Variants in ARSB observed in about 807,000 individuals in gnomAD.
ARSB encodes the protein N-acetylgalactosamine-4-sulfatase.
ARSB carries 41 observed loss-of-function variants against 50.9 expected under a neutral mutation model. That is an observed-to-expected ratio of 0.81 (90% CI 0.63 to 1.04). ARSB has a LOEUF of 1.04. ARSB is among the 50% of genes least tolerant of loss of function. The probability of loss-of-function intolerance (pLI) is 0.00; values close to 1 mark genes in which losing one functional copy is unlikely to be tolerated. For synonymous variants in ARSB, 269 were observed against 284.8 expected (o/e 0.94, Z 0.56); for missense variants, 672 against 693.3 (o/e 0.97, Z 0.35).
chr5:78,960,745 A>C (rs1280763706), intron 3 of ARSB, among the ~76,000 whole-genome samples: 1 of 152,044 alleles, frequency 6.6e-6, no homozygotes, highest in African/African-American at 2.4e-5. Context: ...TTGTATTTTT[A>C]GTAGAGATGG....
At chr5:78,819,190 C>A (rs1026213718) in intron 6 of ARSB, among the ~76,000 whole-genome samples, 1 of 152,138 alleles carries the variant, frequency 6.6e-6, no homozygotes, top group African/African-American at 2.4e-5. Context: ...GAAGGGGCTG[C>A]TGGGAGGTGA....
In ARSB at chr5:78,907,396, G is replaced by C. The variant is rs140979266; in HGVS notation, c.899-21569C>G. Among the ~76,000 whole-genome samples, 1,270 of 152,280 alleles carry C rather than the reference G, an allele frequency of 8.3e-3. 16 individuals are homozygous for C. The highest frequency in any genetic ancestry group is 0.029 in the African/African-American group (1,222 of 41,534). ...AGTGTTTCCAGGACTTTGGTTCAGA[G>C]TGAGGACTGGAGGCCCAGCCACACT... is the stretch of plus-strand genomic sequence containing the variant. On this transcript the variant is annotated intron_variant, in intron 4 of 7. Coordinates refer to ENST00000264914, the MANE Select transcript of ARSB (RefSeq NM_000046.5).
intron 4 of ARSB, among the ~76,000 whole-genome samples, chr5:78,928,168 T>A (rs1355719595): frequency 2.0e-5 from 3 of 152,072 alleles, no homozygotes; most frequent in Admixed American, 6.6e-5. Flanking sequence ...AAGAGGGCTG[T>A]CTAACAGCCA....
chr5:78,792,950 G>A (rs1743030510), intron 6 of ARSB, among the ~76,000 whole-genome samples: 1 of 152,072 alleles, frequency 6.6e-6, no homozygotes, highest in Non-Finnish European at 1.5e-5. Flanking sequence ...CACATAACCT[G>A]TAGTGGTATG....
At chr5:78,815,727 G>A (rs1743960788) in intron 6 of ARSB, 1 of 1,125,692 alleles carries the variant, frequency 8.9e-7, no homozygotes, top group African/African-American at 1.6e-5. Flanking sequence ...TAAAGGGCTT[G>A]CATTTTATTT....
At chr5:78,836,555 T>C (rs1744963111) in intron 6 of ARSB, among the ~76,000 whole-genome samples, 2 of 152,188 alleles carry the variant, frequency 1.3e-5, no homozygotes, top group Admixed American at 1.3e-4. Context: ...GAGAAGTAAA[T>C]GTCCTTACAG....
chr5:78,780,561 C>A lies in ARSB; in HGVS notation c.1438G>T (p.Asp480Tyr). 2 of 1,614,044 alleles carry A rather than the reference C, an allele frequency of 1.2e-6. No individual in the cohort carries two copies. The highest frequency in any genetic ancestry group is 1.7e-6 in the Non-Finnish European group (2 of 1,180,010). ...GACAGGTCATGTCTTTCTTCAGGGT[C>A]CCGATCAATATCAAAGAGCCAGAGG... ...KTLWLFDIDR[D>Y]PEERHDLSRE... The change falls in exon 8 of 8, where the codon GAC (aspartate) becomes TAC (tyrosine). Residue 480 changes from aspartate (D) to tyrosine (Y), a missense_variant. Coordinates refer to ENST00000264914, the MANE Select transcript of ARSB (RefSeq NM_000046.5).
chr5:78,816,586 C>G (rs1346346038), intron 6 of ARSB, among the ~76,000 whole-genome samples: 1 of 152,214 alleles, frequency 6.6e-6, no homozygotes, highest in East Asian at 1.9e-4. Context: ...GGTTACTAAT[C>G]AGAGAGCATC....
At position 78,824,544 on chromosome 5, in the gene ARSB, G is replaced by A. The variant is rs539192940; in HGVS notation, c.1213+14812C>T. ...GTGATTCGTGTGCACATTCAGGTAT[G>A]AAAGGCACTGCTTTAAGTGTAGGGT... On this transcript the variant is annotated intron_variant, in intron 6 of 7. Coordinates refer to ENST00000264914, the MANE Select transcript of ARSB (RefSeq NM_000046.5). 3.3e-5 allele frequency among the ~76,000 whole-genome samples: 5 copies of A among 152,308 alleles called. No individual in the cohort carries two copies. The East Asian group carries it at 5.8e-4, about 18-fold the overall frequency.
intron 6 of ARSB, among the ~76,000 whole-genome samples, chr5:78,795,838 G>C (rs1257313214): frequency 6.6e-6 from 1 of 152,164 alleles, no homozygotes; most frequent in East Asian, 1.9e-4. Flanking sequence ...AGTTTACAAA[G>C]TCAATTTCTC....
intron 3 of ARSB, 94 bp downstream of exon 3, chr5:78,964,322 T>A (rs1031745576): frequency 1.6e-6 from 2 of 1,248,700 alleles, no homozygotes; most frequent in Non-Finnish European, 2.3e-6. Flanking sequence ...TTTATTAGAT[T>A]TTTCCCTAAA....
At chr5:78,945,864 C>T (rs1178440589) in intron 4 of ARSB, among the ~76,000 whole-genome samples, 1 of 152,184 alleles carries the variant, frequency 6.6e-6, no homozygotes, top group African/African-American at 2.4e-5. Context: ...CCAAGCCATT[C>T]CCAACCTTTC....
chr5:78,804,221 A>T (rs1743489589), intron 6 of ARSB, among the ~76,000 whole-genome samples: 1 of 152,182 alleles, frequency 6.6e-6, no homozygotes, highest in South Asian at 2.1e-4. Context: ...ATGAAAAAAA[A>T]AAAAAGATCC....
intron 1 of ARSB, among the ~76,000 whole-genome samples, chr5:78,974,591 C>G (rs1200403804): frequency 6.6e-6 from 1 of 152,222 alleles, no homozygotes; most frequent in African/African-American, 2.4e-5. Context: ...AAAGTGATTC[C>G]TGAAATGACA....
intron 6 of ARSB, among the ~76,000 whole-genome samples, chr5:78,793,012 G>A (rs962153080): frequency 6.6e-6 from 1 of 152,210 alleles, no homozygotes; most frequent in Non-Finnish European, 1.5e-5. Flanking sequence ...ATAGAACAGA[G>A]ATTCCCAATT....
chr5:78,856,019 G>A (rs890550649), intron 5 of ARSB, among the ~76,000 whole-genome samples: 1 of 152,100 alleles, frequency 6.6e-6, no homozygotes, highest in African/African-American at 2.4e-5. Flanking sequence ...ATCTTTTTGA[G>A]GGAGAATAGC....
rs76397607 is a variant in ARSB at position 78,858,098 on chromosome 5, T to C, written c.1143-18672A>G. On this transcript the variant is annotated intron_variant, in intron 5 of 7. Transcript: ENST00000264914. ...CAGGCAGACTGACCCCCAAATCCCA[T>C]CTCTAACCTTCTATGCTAAATTCTC... Among the ~76,000 whole-genome samples, 369 of 152,254 alleles carry C rather than the reference T, an allele frequency of 2.4e-3. 1 individual carries two copies. Among genetic ancestry groups the C allele is most frequent in the Non-Finnish European group, 4.0e-3 (274 of 68,024 alleles).
chr5:78,953,974 G>A (rs577897685), intron 4 of ARSB, among the ~76,000 whole-genome samples: 5 of 152,046 alleles, frequency 3.3e-5, no homozygotes, highest in South Asian at 2.1e-4. Flanking sequence ...CACAAAAAAG[G>A]AATTATCAGA....
At chr5:78,961,858 G>C (rs1751998905) in intron 3 of ARSB, among the ~76,000 whole-genome samples, 1 of 151,954 alleles carries the variant, frequency 6.6e-6, no homozygotes, top group African/African-American at 2.4e-5. Flanking sequence ...CTGCACATTA[G>C]AATCACTGGT....
Sources: allele counts gnomAD v4.1 joint callset (sites outside exome capture counted in the v4.1 genomes callset), GRCh38; gene constraint gnomAD v4.1.1; transcripts MANE v1.5; gene names NCBI Gene and HGNC (gene_info 2026-07-23, HGNC 2026-07-21).